Variants in LSAMP observed in about 807,000 individuals in gnomAD.
LSAMP encodes limbic system associated membrane protein.
A neutral mutation model predicts 38.6 loss-of-function variants in LSAMP; 7 were observed. That is an observed-to-expected ratio of 0.18 (90% CI 0.10 to 0.34). The LOEUF (loss-of-function observed/expected upper bound fraction) is 0.34, where lower values mean the gene tolerates loss of function less well. Among genes scored for constraint, LSAMP ranks in the 10% least tolerant of loss-of-function variants. LSAMP has a pLI of 1.00. For synonymous variants in LSAMP, 154 were observed against 166.8 expected (o/e 0.92, Z 0.59); for missense variants, 313 against 420.0 (o/e 0.75, Z 2.23).
rs1933681755 is a variant in LSAMP at position 115,808,135 on chromosome 3, TCCCTCCCTCCCTC to T, written c.*2169_*2181del. On this transcript the variant is annotated 3_prime_UTR_variant, in exon 7 of 7. Transcript: ENST00000490035. ...CTCCCTCCCTCCCTCCCTCCCTCCC[TCCCTCCCTCCCTC>T]CCCCCCTTCCCCGTCCCCCCCTCCC... The T allele has an allele frequency of 2.0e-5, 1 of 49,270 alleles. No homozygotes were observed. Among genetic ancestry groups the T allele is most frequent in the African/African-American group, 9.0e-5 (1 of 11,166 alleles). 3.1% of individuals were successfully genotyped at this position (49,270 alleles called of 1,614,324 possible).
intron 1 of LSAMP, among the ~76,000 whole-genome samples, chr3:116,303,550 T>C (rs2047443186): frequency 6.6e-6 from 1 of 152,170 alleles, no homozygotes; most frequent in African/African-American, 2.4e-5. Flanking sequence ...CTATTTTGAC[T>C]CTCCTTGAAT....
intron 4 of LSAMP, among the ~76,000 whole-genome samples, chr3:115,843,535 G>A (rs184971934): frequency 6.6e-6 from 1 of 152,282 alleles, no homozygotes; most frequent in African/African-American, 2.4e-5. Flanking sequence ...TGGCAACTTG[G>A]CTATGTACAC....
At chr3:116,208,673 G>C (rs544246117) in intron 1 of LSAMP, among the ~76,000 whole-genome samples, 19 of 152,288 alleles carry the variant, frequency 1.2e-4, no homozygotes, top group African/African-American at 4.6e-4. Flanking sequence ...TGAGGTGTCA[G>C]TGTGCCCCTG....
At chr3:116,234,558 A>G (rs1332060971) in intron 1 of LSAMP, among the ~76,000 whole-genome samples, 1 of 152,162 alleles carries the variant, frequency 6.6e-6, no homozygotes, top group Admixed American at 6.5e-5. Flanking sequence ...TTTAAAATTC[A>G]ACAATAAAAT....
intron 3 of LSAMP, among the ~76,000 whole-genome samples, chr3:115,967,491 C>T (rs1938856872): frequency 6.6e-6 from 1 of 152,166 alleles, no homozygotes. Context: ...CAACCTCTGC[C>T]TGTTACCCAG....
intron 1 of LSAMP, among the ~76,000 whole-genome samples, chr3:116,393,866 C>T (rs895194238): frequency 1.3e-5 from 2 of 152,096 alleles, no homozygotes; most frequent in East Asian, 3.8e-4. Flanking sequence ...AGGTTGGTGG[C>T]ATTAAGAATA....
At chr3:116,097,692 G>A (rs1576360535) in intron 1 of LSAMP, among the ~76,000 whole-genome samples, 1 of 152,132 alleles carries the variant, frequency 6.6e-6, no homozygotes, top group South Asian at 2.1e-4. Flanking sequence ...AGAGGTAAAA[G>A]AGACAAAGAT....
At chr3:116,263,593 A>T (rs1416986935) in intron 1 of LSAMP, among the ~76,000 whole-genome samples, 2 of 152,006 alleles carry the variant, frequency 1.3e-5, no homozygotes, top group African/African-American at 2.4e-5. Context: ...GAAACTGTAT[A>T]TTGAGTGATA....
chr3:116,230,583 A>C (rs2046391968), intron 1 of LSAMP, among the ~76,000 whole-genome samples: 1 of 152,080 alleles, frequency 6.6e-6, no homozygotes, highest in Non-Finnish European at 1.5e-5. Flanking sequence ...AGGCTATGTC[A>C]CCTTCAATTA....
intron 1 of LSAMP, among the ~76,000 whole-genome samples, chr3:116,163,282 G>A (rs1246217031): frequency 7.3e-6 from 1 of 137,608 alleles, no homozygotes; most frequent in Admixed American, 8.1e-5. Context: ...GTGTCTATGT[G>A]TTCTCATTGT....
At chr3:116,054,322 G>A (rs917778291) in intron 2 of LSAMP, among the ~76,000 whole-genome samples, 2 of 152,114 alleles carry the variant, frequency 1.3e-5, no homozygotes, top group South Asian at 2.1e-4. Flanking sequence ...ATCTCAAGTC[G>A]TTAATTTAAT....
intron 2 of LSAMP, among the ~76,000 whole-genome samples, chr3:116,023,035 T>C (rs1940681208): frequency 6.6e-6 from 1 of 152,144 alleles, no homozygotes; most frequent in Non-Finnish European, 1.5e-5. Context: ...TTGATCCTCA[T>C]GTTCTGTTGT....
At position 115,810,250 on chromosome 3, in the gene LSAMP, T is replaced by TCTC; in HGVS notation, c.*64_*66dup. The TCTC allele has an allele frequency of 2.7e-6, 3 of 1,122,460 alleles. No individual in the cohort carries two copies. Among genetic ancestry groups the TCTC allele is most frequent in the Non-Finnish European group, 3.9e-6 (3 of 771,626 alleles). The allele number at this position is 1,122,460 out of a possible 1,614,324, so 69.5% of individuals were successfully genotyped here. A position where few individuals can be genotyped will look rare whatever the true frequency, so the allele number is the denominator to read the frequency against. On this transcript the variant is annotated 3_prime_UTR_variant, in exon 7 of 7. Transcript: ENST00000490035. ...CTCTCTCTCTCTCTCTCTCTGTCTC[T>TCTC]CTCTCTCTGTATTCTGTGTGACGCA...
intron 1 of LSAMP, among the ~76,000 whole-genome samples, chr3:116,381,118 T>C (rs560620899): frequency 1.8e-4 from 27 of 152,200 alleles, no homozygotes; most frequent in African/African-American, 6.5e-4. Context: ...TCCATTTTGG[T>C]TTTATCAGAT....
At chr3:116,333,987 A>G (rs2047887196) in intron 1 of LSAMP, among the ~76,000 whole-genome samples, 1 of 151,946 alleles carries the variant, frequency 6.6e-6, no homozygotes, top group Non-Finnish European at 1.5e-5. Context: ...TGAAAATGAC[A>G]AATCTTTACC....
At chr3:115,960,365 G>T (rs1253864721) in intron 3 of LSAMP, among the ~76,000 whole-genome samples, 1 of 152,184 alleles carries the variant, frequency 6.6e-6, no homozygotes, top group East Asian at 1.9e-4. Context: ...AAGCCACCCA[G>T]TCTGCGCTAT....
rs2107434294 is a variant in LSAMP, at chr3:115,804,175, G to A, written c.*6142C>T. 1 of 152,282 alleles carries A rather than the reference G, an allele frequency of 6.6e-6. No homozygotes were observed. The highest frequency in any genetic ancestry group is 6.5e-5 in the Admixed American group (1 of 15,302). The allele number at this position is 152,282 out of a possible 1,614,324, so 9.4% of individuals were successfully genotyped here. On this transcript the variant is annotated 3_prime_UTR_variant, in exon 7 of 7. Transcript: ENST00000490035. Reference sequence around the variant, plus strand: ...TAGCAGTTTTGGGTTTAGAAATGAAGACGGTAGAATGATAGTTCTGAGAAG... The same window carrying A: ...TAGCAGTTTTGGGTTTAGAAATGAAAACGGTAGAATGATAGTTCTGAGAAG...
chr3:116,425,053 G>A (rs765217992), intron 1 of LSAMP, among the ~76,000 whole-genome samples: 10 of 150,874 alleles, frequency 6.6e-5, no homozygotes, highest in Non-Finnish European at 1.0e-4. Context: ...ATTGTCTACC[G>A]TGCAGGGGCT....
At chr3:116,019,438 C>G in intron 3 of LSAMP, 77 bp downstream of exon 3, 4 of 1,518,356 alleles carry the variant, frequency 2.6e-6, no homozygotes, top group Non-Finnish European at 3.6e-6. Flanking sequence ...ATTGAAATTT[C>G]TGATTCAGCA....
Sources: allele counts gnomAD v4.1 joint callset (sites outside exome capture counted in the v4.1 genomes callset), GRCh38; gene constraint gnomAD v4.1.1; transcripts MANE v1.5; gene names NCBI Gene and HGNC (gene_info 2026-07-23, HGNC 2026-07-21).